The following MSI2 variants were observed in gnomAD, a reference collection of about 807,000 sequenced individuals.
The protein encoded by MSI2 is RNA-binding protein Musashi homolog 2.
A neutral mutation model predicts 45.6 loss-of-function variants in MSI2; 17 were observed. That is an observed-to-expected ratio of 0.37 (90% confidence interval 0.26 to 0.56). MSI2 has a LOEUF of 0.56. MSI2 is among the 20% of genes least tolerant of loss of function. The probability of loss-of-function intolerance (pLI) is 0.77; values close to 1 mark genes in which losing one functional copy is unlikely to be tolerated. For missense variants in MSI2, 293 were observed against 444.2 expected (o/e 0.66, Z 3.06); for synonymous variants, 156 against 158.2 (o/e 0.99, Z 0.11).
intron 5 of MSI2, 75 bp from the exon 6 acceptor site, chr17:57,401,304 T>C: frequency 8.2e-7 from 1 of 1,214,782 alleles, no homozygotes; most frequent in Admixed American, 1.7e-5. Context: ...GGAGAGCAGA[T>C]TGTTTCAGCA....
At position 57,673,504 on chromosome 17, in the gene MSI2, T is replaced by C. The variant is rs7211012; in HGVS notation, c.791-1468T>C. Among the ~76,000 whole-genome samples the C allele has an allele frequency of 9.7e-3, 1,484 of 152,316 alleles. 29 individuals carry two copies. Among genetic ancestry groups the C allele is most frequent in the African/African-American group, 0.034 (1,400 of 41,552 alleles). Reference sequence around the variant, plus strand: ...AGAATGTCTGGTTCTTTAAGACGGGTTAGCCGTAGCCCAAAGGTAGCCAGC... The same window carrying C: ...AGAATGTCTGGTTCTTTAAGACGGGCTAGCCGTAGCCCAAAGGTAGCCAGC... On this transcript the variant is annotated intron_variant, in intron 11 of 13. Transcript: ENST00000284073.
At chr17:57,485,519 C>T (rs1176052144) in intron 6 of MSI2, among the ~76,000 whole-genome samples, 1 of 152,164 alleles carries the variant, frequency 6.6e-6, no homozygotes, top group Non-Finnish European at 1.5e-5. Context: ...TACTGATCTC[C>T]CTAATGCATC....
At chr17:57,632,129 G>A in intron 10 of MSI2, 16 of 1,226,352 alleles carry the variant, frequency 1.3e-5, no homozygotes, top group Admixed American at 8.7e-5. Context: ...CACAAACTTC[G>A]TAGAGCCTCC....
At chr17:57,437,821 T>G (rs954665101) in intron 6 of MSI2, among the ~76,000 whole-genome samples, 2 of 152,184 alleles carry the variant, frequency 1.3e-5, no homozygotes, top group African/African-American at 4.8e-5. Context: ...AAAGTGCATC[T>G]TTTTTCTACT....
At chr17:57,401,319 C>T in intron 5 of MSI2, 60 bp from the exon 6 acceptor site, 1 of 1,398,484 alleles carries the variant, frequency 7.2e-7, no homozygotes, top group African/African-American at 1.4e-5. Context: ...TCAGCAGCCT[C>T]TTGAGCCCTG....
chr17:57,353,666 A>G lies in MSI2; in HGVS notation c.313-47713A>G, dbSNP rs142122548. Among the ~76,000 whole-genome samples the G allele has an allele frequency of 3.0e-3, 453 of 152,314 alleles. 3 individuals are homozygous for G. The highest frequency in any genetic ancestry group is 5.8e-3 in the African/African-American group (242 of 41,564). On this transcript the variant is annotated intron_variant, in intron 5 of 13. Transcript: ENST00000284073. ...CCTCTGGAGGGTCCTTGAATTTAAG[A>G]GCTTCCAGTACCAGTAGATTGAAGA...
intron 7 of MSI2, among the ~76,000 whole-genome samples, chr17:57,582,523 G>C (rs560111604): frequency 1.3e-5 from 2 of 152,198 alleles, no homozygotes; most frequent in African/African-American, 2.4e-5. Context: ...CAACTCTAAA[G>C]GTTGGATTCT....
chr17:57,476,184 T>C (rs2085533648), intron 6 of MSI2, among the ~76,000 whole-genome samples: 1 of 152,240 alleles, frequency 6.6e-6, no homozygotes, highest in Non-Finnish European at 1.5e-5. Context: ...CTATCCAAGC[T>C]GATTTACATC....
At chr17:57,300,239 CA>C (rs1463919427) in intron 5 of MSI2, among the ~76,000 whole-genome samples, 1 of 152,056 alleles carries the variant, frequency 6.6e-6, no homozygotes, top group Non-Finnish European at 1.5e-5. Flanking sequence ...ACTCTCATTC[CA>C]GGTGTCTTAA....
chr17:57,648,347 A>G (rs190671032), intron 10 of MSI2, among the ~76,000 whole-genome samples: 8 of 152,282 alleles, frequency 5.3e-5, no homozygotes, highest in Admixed American at 5.2e-4. Context: ...GCATTCATCT[A>G]AGCACTTTGC....
chr17:57,586,501 TA>T (rs5821193), intron 7 of MSI2, among the ~76,000 whole-genome samples: 6,909 of 148,664 alleles, frequency 0.046, 223 homozygotes, highest in East Asian at 0.17. Context: ...CCCCATCAGT[TA>T]AAAAAAAAAA....
chr17:57,597,583 A>G (rs6503822), intron 8 of MSI2, among the ~76,000 whole-genome samples: 11,393 of 151,868 alleles, frequency 0.075, 739 homozygotes, highest in East Asian at 0.17. Context: ...CCATGATCAC[A>G]CCACTGTACT....
At chr17:57,434,946 T>C (rs1052304604) in intron 6 of MSI2, among the ~76,000 whole-genome samples, 1 of 152,176 alleles carries the variant, frequency 6.6e-6, no homozygotes, top group African/African-American at 2.4e-5. Context: ...TGGACAAGAC[T>C]CTCACTTTCA....
intron 6 of MSI2, among the ~76,000 whole-genome samples, chr17:57,402,310 C>T (rs145302257): frequency 6.4e-4 from 97 of 152,268 alleles, no homozygotes; most frequent in African/African-American, 2.2e-3. Flanking sequence ...GTGGAAATGG[C>T]AGGTTCAAGG....
At chr17:57,548,898 T>TCCCCCCCCCCCCCCCCCCCCCCCCCCC (rs758120237) in intron 7 of MSI2, among the ~76,000 whole-genome samples, 2 of 121,298 alleles carry the variant, frequency 1.6e-5, no homozygotes, top group South Asian at 2.8e-4. Context: ...TGTTTACCCT[T>TCCCCCCCCCCCCCCCCCCCCCCCCCCC]CCCCCCCCCA....
intron 7 of MSI2, among the ~76,000 whole-genome samples, chr17:57,572,812 C>T (rs561157231): frequency 1.1e-4 from 16 of 152,322 alleles, no homozygotes; most frequent in African/African-American, 3.6e-4. Context: ...GCTTCCCCGC[C>T]GTCCTGATTT....
chr17:57,595,597 C>G (rs1219352515), intron 7 of MSI2, among the ~76,000 whole-genome samples: 1 of 152,046 alleles, frequency 6.6e-6, no homozygotes, highest in African/African-American at 2.4e-5. Context: ...AACAAGCTTT[C>G]TAATGTCTTT....
chr17:57,656,663 T>C (rs3910244), intron 11 of MSI2, among the ~76,000 whole-genome samples: 123,927 of 152,126 alleles, frequency 0.81, 51,052 homozygotes, highest in African/African-American at 0.91. Context: ...AGGGTGAGAG[T>C]GGTGACATTC....
chr17:57,628,033 A>G (rs1474287868), intron 10 of MSI2: 1 of 152,522 alleles, frequency 6.6e-6, no homozygotes, highest in East Asian at 1.9e-4. Context: ...GAAGGAAGCG[A>G]TGTTTTACAG....
Sources: allele counts gnomAD v4.1 joint callset (sites outside exome capture counted in the v4.1 genomes callset), GRCh38; gene constraint gnomAD v4.1.1; transcripts MANE v1.5; gene names NCBI Gene and HGNC (gene_info 2026-07-23, HGNC 2026-07-21).